The following SAMD8 variants were observed in gnomAD, a reference collection of about 807,000 sequenced individuals.
SAMD8 encodes sterile alpha motif domain containing 8, also known as sphingomyelin synthase-related protein 1.
In SAMD8, 20 loss-of-function variants were observed where a neutral mutation model predicts 42.0. The observed-to-expected ratio is 0.48, with a 90% CI of 0.34 to 0.69. The LOEUF is 0.69. Among genes scored for constraint, SAMD8 ranks in the 30% least tolerant of loss-of-function variants. The pLI is 0.01. For synonymous variants in SAMD8, 162 were observed against 173.0 expected (o/e 0.94, Z 0.50); for missense variants, 328 against 511.6 (o/e 0.64, Z 3.46).
chr10:75,152,479 G>T (rs1478594514), intron 2 of SAMD8, among the ~76,000 whole-genome samples: 9 of 140,200 alleles, frequency 6.4e-5, no homozygotes, highest in Non-Finnish European at 1.4e-4. Flanking sequence ...CCGAGATCCC[G>T]CCACTGCACT....
intron 1 of SAMD8, 185 bp downstream of exon 1, chr10:75,111,907 C>A: frequency 1.4e-6 from 1 of 690,908 alleles, no homozygotes; most frequent in Non-Finnish European, 2.0e-6. Context: ...TGGAGGTTGT[C>A]GAACTGAGGG....
chr10:75,140,699 A>G (rs1226929409), intron 1 of SAMD8, among the ~76,000 whole-genome samples: 5 of 152,250 alleles, frequency 3.3e-5, no homozygotes. Flanking sequence ...GTAATTTGTT[A>G]CAAAGCAATA....
chr10:75,124,006 G>A (rs1849068891), intron 1 of SAMD8, among the ~76,000 whole-genome samples: 1 of 152,156 alleles, frequency 6.6e-6, no homozygotes, highest in African/African-American at 2.4e-5. Flanking sequence ...GAGATTACAG[G>A]CGTGAGCCAC....
At chr10:75,168,006 T>A (rs1162839345) in intron 3 of SAMD8, among the ~76,000 whole-genome samples, 5 of 152,052 alleles carry the variant, frequency 3.3e-5, no homozygotes, top group African/African-American at 1.2e-4. Flanking sequence ...CATATTTTCT[T>A]TTTTTTTGAG....
At chr10:75,125,034 G>T (rs542104765) in intron 1 of SAMD8, among the ~76,000 whole-genome samples, 3 of 151,870 alleles carry the variant, frequency 2.0e-5, no homozygotes, top group African/African-American at 7.3e-5. Flanking sequence ...TGATCCTCCC[G>T]CCTCCAGCTA....
At chr10:75,124,075 T>G (rs2134433002) in intron 1 of SAMD8, among the ~76,000 whole-genome samples, 1 of 152,198 alleles carries the variant, frequency 6.6e-6, no homozygotes, top group East Asian at 1.9e-4. Context: ...CCTTTGACAT[T>G]TCCAGGTTGC....
At chr10:75,121,460 C>G (rs1284335881) in intron 1 of SAMD8, among the ~76,000 whole-genome samples, 1 of 152,156 alleles carries the variant, frequency 6.6e-6, no homozygotes. Context: ...ACTCTGTCAT[C>G]CTGATTTACA....
In SAMD8 at chr10:75,100,944, TC is replaced by T. The variant is rs111763516; in HGVS notation, c.-16+1218del. On this transcript the variant is annotated intron_variant, in intron 1 of 3. Coordinates refer to the SAMD8 transcript ENST00000447533. ...TGGGGCAGGGGGCAGCTGTTTGCCA[TC>T]CACCTCTCAGCTGCAGTTTCAGATA... Among the ~76,000 whole-genome samples, 539 of 152,340 alleles carry T rather than the reference TC, an allele frequency of 3.5e-3. 2 individuals are homozygous for T. The highest frequency in any genetic ancestry group is 0.012 in the African/African-American group (514 of 41,570).
At chr10:75,128,864 A>T (rs1351441751) in intron 1 of SAMD8, among the ~76,000 whole-genome samples, 1 of 152,196 alleles carries the variant, frequency 6.6e-6, no homozygotes, top group African/African-American at 2.4e-5. Context: ...TTTGTATTGC[A>T]TTATTAATAC....
chr10:75,178,661 A>C lies in SAMD8; in HGVS notation c.*1969A>C, dbSNP rs1841030446. 1 of 152,158 alleles carries C rather than the reference A, an allele frequency of 6.6e-6. No individual in the cohort carries two copies. Among genetic ancestry groups the C allele is most frequent in the African/African-American group, 2.4e-5 (1 of 41,426 alleles). The allele number at this position is 152,158 out of a possible 1,614,324, so 9.4% of individuals were successfully genotyped here. A position where few individuals can be genotyped will look rare whatever the true frequency, so the allele number is the denominator to read the frequency against. On this transcript the variant is annotated 3_prime_UTR_variant, in exon 6 of 6. Transcript: ENST00000542569. ...GGAGGATTGCTTGAGGCCAGGAGTT[A>C]GAAACTAGAGTGTGTTATAACGCCT...
chr10:75,120,511 C>T (rs1385494817), intron 1 of SAMD8, among the ~76,000 whole-genome samples: 2 of 151,970 alleles, frequency 1.3e-5, no homozygotes, highest in African/African-American at 2.4e-5. Flanking sequence ...CCTCGTGATC[C>T]GCCCGCCTCA....
In SAMD8 at chr10:75,137,465, G is replaced by A. The variant is rs186815482; in HGVS notation, c.-15-13049G>A. Reference sequence around the variant, plus strand: ...TGAGGCAGGAGAATTGCTTGAACCCGGGAGGCGGAGCTTGCAGCGAGCCAA... The same window carrying A: ...TGAGGCAGGAGAATTGCTTGAACCCAGGAGGCGGAGCTTGCAGCGAGCCAA... On this transcript the variant is annotated intron_variant, in intron 1 of 5. Coordinates refer to ENST00000542569, the MANE Select transcript of SAMD8 (RefSeq NM_001174156.2). Among the ~76,000 whole-genome samples, 104 of 151,982 alleles carry A rather than the reference G, an allele frequency of 6.8e-4. 1 individual carries two copies. The East Asian group carries it at 0.015, about 22-fold the overall frequency.
chr10:75,124,847 C>T (rs750166886), intron 1 of SAMD8, among the ~76,000 whole-genome samples: 3 of 150,688 alleles, frequency 2.0e-5, no homozygotes, highest in Non-Finnish European at 4.4e-5. Flanking sequence ...CACTCTGTCA[C>T]TCAGGCTGGA....
At chr10:75,108,859 A>T, upstream of SAMD8, 1 of 1,032,592 alleles carries the variant, frequency 9.7e-7, no homozygotes. Flanking sequence ...TGACCTCAGC[A>T]CCCCCGGGGG....
At chr10:75,127,818 A>G (rs935450833) in intron 1 of SAMD8, among the ~76,000 whole-genome samples, 1 of 152,250 alleles carries the variant, frequency 6.6e-6, no homozygotes, top group African/African-American at 2.4e-5. Flanking sequence ...TAACTCAGAA[A>G]GGATTAACTA....
At chr10:75,167,475 CT>C (rs1840714455) in intron 3 of SAMD8, among the ~76,000 whole-genome samples, 1 of 152,180 alleles carries the variant, frequency 6.6e-6, no homozygotes, top group African/African-American at 2.4e-5. Flanking sequence ...TCCTTCCTGC[CT>C]TGGTCTCCCA....
chr10:75,111,706 C>G lies in SAMD8; in HGVS notation c.-32C>G. On this transcript the variant is annotated 5_prime_UTR_variant, in exon 1 of 6. Coordinates refer to ENST00000542569, the MANE Select transcript of SAMD8 (RefSeq NM_001174156.2). ...GACTCGGAGGTGGGTCCGGGGAGCC[C>G]GACTCGGACCGCGGAGGTGAGCGGG... The G allele has an allele frequency of 4.1e-6, 5 of 1,234,486 alleles. No individual in the cohort carries two copies. Among genetic ancestry groups the G allele is most frequent in the Non-Finnish European group, 5.1e-6 (5 of 989,176 alleles). The allele number at this position is 1,234,486 out of a possible 1,614,324, so 76.5% of individuals were successfully genotyped here. A position where few individuals can be genotyped will look rare whatever the true frequency, so the allele number is the denominator to read the frequency against.
At chr10:75,165,486 C>T (rs1199678635) in intron 3 of SAMD8, among the ~76,000 whole-genome samples, 2 of 151,552 alleles carry the variant, frequency 1.3e-5, no homozygotes, top group Non-Finnish European at 2.9e-5. Context: ...CTGGCTAACA[C>T]GGTGAAACCC....
At chr10:75,100,522 G>A (rs1001259827) in intron 1 of SAMD8, among the ~76,000 whole-genome samples, 1 of 152,118 alleles carries the variant, frequency 6.6e-6, no homozygotes, top group Admixed American at 6.5e-5. Context: ...CTTGGTCTTC[G>A]GAGGGCCCTG....
Sources: gnomAD v4.1 joint callset for allele counts (sites outside exome capture counted in the v4.1 genomes callset) on GRCh38, gnomAD v4.1.1 for gene constraint, MANE v1.5 for transcripts, NCBI Gene and HGNC (gene_info 2026-07-23, HGNC 2026-07-21) for gene names.